The following AK9 variants were observed in gnomAD, a reference collection of about 807,000 sequenced individuals.
AK9 encodes the protein adenylate kinase domain containing 1.
In AK9, 191 loss-of-function variants were observed where a neutral mutation model predicts 239.6. The ratio of observed to expected loss-of-function variants is 0.80; its 90% CI spans 0.71 to 0.90. The LOEUF is 0.90. Ranked by LOEUF, AK9 falls within the 40% of genes least tolerant of loss-of-function variation. The probability of loss-of-function intolerance (pLI) is 0.00; values close to 1 mark genes in which losing one functional copy is unlikely to be tolerated. For missense variants in AK9, 1,995 were observed against 2,214.7 expected, an observed-to-expected ratio of 0.90 and a Z score of 1.99; for synonymous variants, 689 against 721.0, an observed-to-expected ratio of 0.96 and a Z score of 0.71.
chr6:109,516,851 T>G (rs1420139701), intron 29 of AK9, among the ~76,000 whole-genome samples: 1 of 152,222 alleles, frequency 6.6e-6, no homozygotes, highest in Non-Finnish European at 1.5e-5. Context: ...GAATTATTTT[T>G]CTGGTTCCTT....
chr6:109,523,508 A>G (rs1780092720), intron 29 of AK9, among the ~76,000 whole-genome samples: 1 of 152,200 alleles, frequency 6.6e-6, no homozygotes, highest in African/African-American at 2.4e-5. Flanking sequence ...TTGGAGCAAG[A>G]AAAGCAGATT....
chr6:109,595,292 A>C (rs1790868289), intron 17 of AK9, among the ~76,000 whole-genome samples: 1 of 152,246 alleles, frequency 6.6e-6, no homozygotes, highest in Non-Finnish European at 1.5e-5. Context: ...AATGCAAATC[A>C]AAACCACAAT....
intron 32 of AK9, among the ~76,000 whole-genome samples, chr6:109,513,231 G>T (rs900904599): frequency 6.6e-6 from 1 of 151,996 alleles, no homozygotes; most frequent in Non-Finnish European, 1.5e-5. Flanking sequence ...CTATAATTAT[G>T]AATATTAGTT....
At chr6:109,507,055 C>T (rs146913582) in intron 33 of AK9, among the ~76,000 whole-genome samples, 1,619 of 152,330 alleles carry the variant, frequency 0.011, 13 homozygotes, top group Non-Finnish European at 0.016. Context: ...TGAATTTCTA[C>T]ACTCAGCATG....
chr6:109,616,085 A>T (rs1423060224), intron 13 of AK9, among the ~76,000 whole-genome samples: 1 of 152,200 alleles, frequency 6.6e-6, no homozygotes, highest in Admixed American at 6.5e-5. Context: ...AGAAAAAAAA[A>T]AATCACAACC....
At chr6:109,585,658 G>A (rs1284211519) in intron 18 of AK9, among the ~76,000 whole-genome samples, 1 of 151,994 alleles carries the variant, frequency 6.6e-6, no homozygotes, top group Non-Finnish European at 1.5e-5. Context: ...GCTTCTAATT[G>A]TGTGTGTGTG....
intron 35 of AK9, among the ~76,000 whole-genome samples, chr6:109,503,963 C>T (rs1777851354): frequency 6.6e-6 from 1 of 152,226 alleles, no homozygotes; most frequent in Admixed American, 6.5e-5. Context: ...CTGAGGGCTT[C>T]TGTTCCCACC....
At chr6:109,654,235 T>A (rs559647261) in intron 8 of AK9, among the ~76,000 whole-genome samples, 1 of 152,184 alleles carries the variant, frequency 6.6e-6, no homozygotes, top group Non-Finnish European at 1.5e-5. Context: ...TTCTAGGTGT[T>A]TTCCTCTAGA....
chr6:109,563,679 C>T lies in AK9; in HGVS notation c.2669G>A (p.Gly890Glu), dbSNP rs1415796587. 1 of 1,550,568 alleles carries T rather than the reference C, an allele frequency of 6.4e-7. No individual in the cohort carries two copies. Among genetic ancestry groups the T allele is most frequent in the African/African-American group, 1.4e-5 (1 of 73,006 alleles). ...PFQYTAWELT[G>E]EDYEEETEDY... ...TTCTGTTTCTTCCTCATAATCTTCC[C>T]CAGTTAACTCCCATGCAGTATATTG... Residue 890 changes from glycine (G) to glutamate (E), a missense_variant, in exon 24 of 41, where the codon GGG (glycine) becomes GAG (glutamate). Coordinates refer to ENST00000424296, the MANE Select transcript of AK9 (RefSeq NM_001145128.3).
Position 109,633,249 on chromosome 6 carries a change from TCCCC to T in AK9, c.1004_1007del (p.Trp335TyrfsTer6). 1 of 1,610,420 alleles carries T rather than the reference TCCCC, an allele frequency of 6.2e-7. No homozygotes were observed. The highest frequency in any genetic ancestry group is 8.5e-7 in the Non-Finnish European group (1 of 1,179,350). On this transcript the variant is annotated frameshift_variant, in exon 11 of 41. Transcript: ENST00000424296. LOFTEE classifies it high-confidence loss of function. The stretch of plus-strand genomic sequence containing the variant: ...CTTTTAAATTCACAGGACATGTACG[TCCCC>T]ATTTACTTCTTTGCCATCTGTATCT...
chr6:109,648,583 A>C (rs1013298518), intron 8 of AK9, among the ~76,000 whole-genome samples: 11 of 152,346 alleles, frequency 7.2e-5, no homozygotes, highest in African/African-American at 2.4e-4. Context: ...AGGCTCTGAA[A>C]TTGACGCAAT....
intron 21 of AK9, among the ~76,000 whole-genome samples, chr6:109,572,517 A>G (rs1057303060): frequency 2.6e-5 from 4 of 152,220 alleles, no homozygotes; most frequent in Admixed American, 1.3e-4. Flanking sequence ...GGAGGAAAGA[A>G]GATGCTTGGG....
In AK9 at chr6:109,656,792, A is replaced by T. The variant is rs1162375297; in HGVS notation, c.723T>A (p.Val241=). 1.9e-6 allele frequency: 3 copies of T among 1,604,964 alleles called. No individual in the cohort carries two copies. The African/African-American group carries it at 4.0e-5, about 21-fold the overall frequency. The change falls in exon 8 of 41, where the codon GTT becomes GTA. Residue 241 remains valine, a synonymous_variant. Transcript: ENST00000424296. Reference sequence around the variant, plus strand: ...GGAGAATTGTTTCCTTATAAAGCTTAACAATGTTTTCAACATTTTCCAAAT... The same window carrying T: ...GGAGAATTGTTTCCTTATAAAGCTTTACAATGTTTTCAACATTTTCCAAAT... ...EDYLENVENI[V]KLYKETILQT...
intron 32 of AK9, among the ~76,000 whole-genome samples, chr6:109,509,715 G>A (rs1778489331): frequency 6.6e-6 from 1 of 152,070 alleles, no homozygotes; most frequent in Non-Finnish European, 1.5e-5. Context: ...GCCCTCTTGG[G>A]TGTAGCTGCA....
chr6:109,574,424 T>G (rs931630615), intron 20 of AK9, among the ~76,000 whole-genome samples: 12 of 152,084 alleles, frequency 7.9e-5, no homozygotes, highest in Non-Finnish European at 1.5e-4. Context: ...GTTTAATAAC[T>G]ACCACAATTT....
At chr6:109,587,741 G>A (rs1789700062) in intron 17 of AK9, among the ~76,000 whole-genome samples, 1 of 152,114 alleles carries the variant, frequency 6.6e-6, no homozygotes, top group Non-Finnish European at 1.5e-5. Context: ...TGTTAATAGC[G>A]CTGCAATAAG....
At chr6:109,663,727 T>C (rs1800778606) in intron 5 of AK9, among the ~76,000 whole-genome samples, 1 of 152,176 alleles carries the variant, frequency 6.6e-6, no homozygotes. Context: ...GGTTACAGGC[T>C]TATTCCAAGT....
intron 36 of AK9, 58 bp from the exon 37 acceptor site, chr6:109,498,023 A>G (rs1582717739): frequency 1.3e-6 from 2 of 1,575,144 alleles, no homozygotes; most frequent in East Asian, 4.5e-5. Context: ...TATGCCAATC[A>G]GAAGGCCACC....
intron 1 of AK9, among the ~76,000 whole-genome samples, chr6:109,676,793 A>T (rs1387507290): frequency 6.6e-6 from 1 of 152,130 alleles, no homozygotes; most frequent in African/African-American, 2.4e-5. Context: ...ACACATGCAC[A>T]CATATGCTCA....
Sources: gnomAD v4.1 joint callset for allele counts (sites outside exome capture counted in the v4.1 genomes callset) on GRCh38, gnomAD v4.1.1 for gene constraint, MANE v1.5 for transcripts, NCBI Gene and HGNC (gene_info 2026-07-23, HGNC 2026-07-21) for gene names.